The following SHLD2 variants were observed in gnomAD, a reference collection of about 807,000 sequenced individuals.
SHLD2 encodes shieldin complex subunit 2.
In SHLD2, 30 loss-of-function variants were observed where a neutral mutation model predicts 73.2. That is an observed-to-expected ratio of 0.41 (90% CI 0.31 to 0.56). The LOEUF is 0.56. Ranked by LOEUF, SHLD2 falls within the 20% of genes least tolerant of loss-of-function variation. The pLI is 0.28. For missense variants in SHLD2, 745 were observed against 1,055.9 expected (o/e 0.71, Z 4.08); for synonymous variants, 285 against 370.1 (o/e 0.77, Z 2.64).
chr10:87,155,271 G>T (rs1846332613), intron 3 of SHLD2, among the ~76,000 whole-genome samples: 1 of 152,160 alleles, frequency 6.6e-6, no homozygotes. Context: ...ACACAAGATT[G>T]TAATGAACAG....
intron 2 of SHLD2, among the ~76,000 whole-genome samples, chr10:87,148,260 G>A (rs374449524): frequency 3.3e-5 from 5 of 152,306 alleles, no homozygotes; most frequent in East Asian, 3.9e-4. Flanking sequence ...TGCCCAGCAC[G>A]TAATGTTGAA....
chr10:87,099,232 C>T (rs1052324648), intron 2 of SHLD2, among the ~76,000 whole-genome samples: 1 of 152,124 alleles, frequency 6.6e-6, no homozygotes, highest in Non-Finnish European at 1.5e-5. Context: ...TTTTCTTGAT[C>T]CATAGCATGC....
Position 87,158,093 on chromosome 10 carries a change from A to G in SHLD2, c.1571A>G (p.Gln524Arg), listed in dbSNP as rs760119008. ...EDQWIGETVLQSTFSSQLLNL... is the reference protein window; with the variant it reads ...EDQWIGETVLRSTFSSQLLNL... ...CAATGGATTGGCGAGACAGTACTACAATCAACATTTAGCAGTCAGTTATTA... is the reference window on the plus strand; with the variant it reads ...CAATGGATTGGCGAGACAGTACTACGATCAACATTTAGCAGTCAGTTATTA... The change falls in exon 4 of 10, where the codon CAA (glutamine) becomes CGA (arginine). Residue 524 changes from glutamine (Q) to arginine (R), a missense_variant. Coordinates refer to ENST00000298786, the MANE Select transcript of SHLD2 (RefSeq NM_001330112.2). The G allele has an allele frequency of 6.2e-7, 1 of 1,611,568 alleles. No individual in the cohort carries two copies. Among genetic ancestry groups the G allele is most frequent in the Non-Finnish European group, 8.5e-7 (1 of 1,179,610 alleles).
chr10:87,153,011 T>A (rs1846125199), intron 3 of SHLD2, 132 bp downstream of exon 3: 1 of 846,506 alleles, frequency 1.2e-6, no homozygotes, highest in Non-Finnish European at 1.8e-6. Flanking sequence ...ATTGATCCCT[T>A]TATCGCATCT....
chr10:87,106,966 C>T (rs576915556), intron 2 of SHLD2, among the ~76,000 whole-genome samples: 14 of 152,210 alleles, frequency 9.2e-5, no homozygotes, highest in African/African-American at 3.1e-4. Flanking sequence ...TACATAGTTA[C>T]TGTCCTCCAC....
chr10:87,168,621 A>C (rs867535409), intron 4 of SHLD2, among the ~76,000 whole-genome samples: 1 of 150,722 alleles, frequency 6.6e-6, no homozygotes, highest in Non-Finnish European at 1.5e-5. Flanking sequence ...TAAATAAATA[A>C]ATAAATTGCA....
At chr10:87,179,321 G>A (rs1278438464) in intron 7 of SHLD2, among the ~76,000 whole-genome samples, 1 of 151,696 alleles carries the variant, frequency 6.6e-6, no homozygotes, top group African/African-American at 2.4e-5. Context: ...AATGGTGAGC[G>A]GAAAGTTGGA....
intron 4 of SHLD2, among the ~76,000 whole-genome samples, chr10:87,161,444 C>CA (rs997018468): frequency 4.5e-4 from 66 of 148,242 alleles, no homozygotes; most frequent in African/African-American, 1.2e-3. Flanking sequence ...GGCCCTGTCT[C>CA]AAAAAAAAAT....
In SHLD2 at chr10:87,170,843, C is replaced by T. The variant is rs1366212084; in HGVS notation, c.1832C>T (p.Ala611Val). Residue 611 changes from alanine (A) to valine (V), a missense_variant, in exon 6 of 10, where the codon GCA (alanine) becomes GTA (valine). Coordinates refer to ENST00000298786, the MANE Select transcript of SHLD2 (RefSeq NM_001330112.2). ...RVVDFTILTE[A>V]VYSYRGQKQK... Reference sequence around the variant, plus strand: ...GGTACTCATTTTCCTTTTCCAGAGGCAGTATACAGTTATAGAGGACAGAAG... The same window carrying T: ...GGTACTCATTTTCCTTTTCCAGAGGTAGTATACAGTTATAGAGGACAGAAG... The T allele has an allele frequency of 6.2e-7, 1 of 1,611,714 alleles. No homozygotes were observed. Among genetic ancestry groups the T allele is most frequent in the Middle Eastern group, 2.2e-4 (1 of 4,512 alleles).
intron 2 of SHLD2, among the ~76,000 whole-genome samples, chr10:87,136,063 G>A (rs2264966): frequency 0.16 from 23,875 of 148,960 alleles, 2,021 homozygotes; most frequent in Middle Eastern, 0.32. Context: ...TTCTGCATGG[G>A]AGATTTGTCT....
chr10:87,131,744 G>A (rs9732106), intron 2 of SHLD2, among the ~76,000 whole-genome samples: 73 of 152,138 alleles, frequency 4.8e-4, no homozygotes, highest in African/African-American at 1.3e-3. Context: ...GTGGAATTGC[G>A]GGATCATATA....
chr10:87,175,024 G>A (rs1847856961), intron 6 of SHLD2, among the ~76,000 whole-genome samples: 1 of 151,270 alleles, frequency 6.6e-6, no homozygotes, highest in Admixed American at 6.6e-5. Flanking sequence ...GGCTGAGGCA[G>A]GAGAATGGCT....
At chr10:87,102,913 C>T (rs1842360289) in intron 2 of SHLD2, among the ~76,000 whole-genome samples, 1 of 151,638 alleles carries the variant, frequency 6.6e-6, no homozygotes, top group Non-Finnish European at 1.5e-5. Context: ...ACTTTTAAAA[C>T]AAGGTACTAA....
At chr10:87,186,791 T>C (rs1848647182) in intron 8 of SHLD2, among the ~76,000 whole-genome samples, 1 of 152,008 alleles carries the variant, frequency 6.6e-6, no homozygotes, top group South Asian at 2.1e-4. Flanking sequence ...ATTATTTTTA[T>C]TTTCATTTCT....
intron 2 of SHLD2, among the ~76,000 whole-genome samples, chr10:87,117,401 G>A (rs192157659): frequency 1.3e-5 from 2 of 152,114 alleles, no homozygotes; most frequent in African/African-American, 2.4e-5. Flanking sequence ...CCTGGGCAAC[G>A]AGTGAAACTC....
chr10:87,134,082 G>A (rs1844623831), intron 2 of SHLD2, among the ~76,000 whole-genome samples: 1 of 152,196 alleles, frequency 6.6e-6, no homozygotes, highest in South Asian at 2.1e-4. Context: ...TGTAATACAG[G>A]AAACTGCTTT....
chr10:87,178,280 G>A (rs1397691033), intron 7 of SHLD2, among the ~76,000 whole-genome samples: 2 of 151,048 alleles, frequency 1.3e-5, no homozygotes, highest in Non-Finnish European at 2.9e-5. Context: ...TGAGTGGAGG[G>A]AGGAGAGCAA....
At chr10:87,110,649 G>A (rs1842865156) in intron 2 of SHLD2, among the ~76,000 whole-genome samples, 1 of 151,402 alleles carries the variant, frequency 6.6e-6, no homozygotes, top group Admixed American at 6.6e-5. Flanking sequence ...AAGCCTGTAG[G>A]TCTTATGATT....
chr10:87,129,896 C>T (rs1844306405), intron 2 of SHLD2, among the ~76,000 whole-genome samples: 1 of 152,126 alleles, frequency 6.6e-6, no homozygotes, highest in South Asian at 2.1e-4. Context: ...TCTGGGATTA[C>T]AGTGTAGTAT....
Sources: gnomAD v4.1 joint callset for allele counts (sites outside exome capture counted in the v4.1 genomes callset) on GRCh38, gnomAD v4.1.1 for gene constraint, MANE v1.5 for transcripts, NCBI Gene and HGNC (gene_info 2026-07-23, HGNC 2026-07-21) for gene names.